Variants in GRIA2 observed in about 807,000 individuals in gnomAD.
GRIA2 encodes the protein glutamate ionotropic receptor AMPA type subunit 2.
Under a neutral mutation model 97.3 loss-of-function variants are expected in GRIA2, and 14 were observed. The ratio of observed to expected loss-of-function variants is 0.14; its 90% CI spans 0.10 to 0.23. The LOEUF (loss-of-function observed/expected upper bound fraction) is 0.23. Among genes scored for constraint, GRIA2 ranks in the 10% least tolerant of loss-of-function variants. The pLI is 1.00. For synonymous variants in GRIA2, 412 were observed against 387.8 expected (o/e 1.06, Z -0.73); for missense variants, 558 against 1,069.8 (o/e 0.52, Z 6.67).
intron 2 of GRIA2, among the ~76,000 whole-genome samples, chr4:157,223,647 C>A (rs1392805979): frequency 2.0e-5 from 3 of 152,146 alleles, no homozygotes; most frequent in African/African-American, 7.2e-5. Context: ...TAATTGTATA[C>A]TTATGTGAAA....
rs141484189 is a variant in GRIA2 at position 157,362,981 on chromosome 4, A to G, written c.2589A>G (p.Ser863=). 1.1e-5 allele frequency: 17 copies of G among 1,613,226 alleles called. No individual in the cohort carries two copies. Among genetic ancestry groups the G allele is most frequent in the Non-Finnish European group, 1.4e-5 (16 of 1,179,420 alleles). Residue 863 remains serine (S), a synonymous_variant, in exon 15 of 16, where the codon TCA becomes TCG. Transcript: ENST00000264426. ...TTAACCCATCTTCCTCGCAGAATTC[A>G]CAGAATTTTGCAACTTATAAGGAAG... The part of the protein sequence containing the change: ...QNINPSSSQN[S]QNFATYKEGY...
At chr4:157,242,844 A>G (rs1003126507) in intron 2 of GRIA2, among the ~76,000 whole-genome samples, 2 of 152,056 alleles carry the variant, frequency 1.3e-5, no homozygotes, top group African/African-American at 2.4e-5. Flanking sequence ...CACTGAATAC[A>G]TGGCCAACAG....
intron 6 of GRIA2, among the ~76,000 whole-genome samples, chr4:157,323,336 CAAAAAAAAAA>C (rs779080483): frequency 1.9e-5 from 1 of 51,474 alleles, no homozygotes; most frequent in Admixed American, 3.6e-4. Flanking sequence ...GACTCTGTCT[CAAAAAAAAAA>C]AAAAAAAAAA....
intron 12 of GRIA2, among the ~76,000 whole-genome samples, chr4:157,358,507 T>A (rs767520912): frequency 2.0e-5 from 3 of 152,090 alleles, no homozygotes; most frequent in Admixed American, 1.3e-4. Context: ...CTTAATTAGG[T>A]GAGAGAATAA....
At chr4:157,259,138 G>A (rs1731414291) in intron 2 of GRIA2, among the ~76,000 whole-genome samples, 1 of 152,034 alleles carries the variant, frequency 6.6e-6, no homozygotes, top group Non-Finnish European at 1.5e-5. Flanking sequence ...TGAAATGAGA[G>A]GACTGCTTGA....
chr4:157,267,889 CTT>C (rs1468613059), intron 2 of GRIA2, among the ~76,000 whole-genome samples: 3 of 151,950 alleles, frequency 2.0e-5, no homozygotes, highest in Non-Finnish European at 4.4e-5. Flanking sequence ...TAAAGGAACT[CTT>C]TGTATGAAAA....
At position 157,234,306 on chromosome 4, in the gene GRIA2, A is replaced by T. The variant is rs548455424; in HGVS notation, c.229+12499A>T. 1.2e-4 allele frequency among the ~76,000 whole-genome samples: 19 copies of T among 152,206 alleles called. No homozygotes were observed. The South Asian group carries it at 3.9e-3, about 32-fold the overall frequency. On this transcript the variant is annotated intron_variant, in intron 2 of 15. Transcript: ENST00000264426. ...GTGCATGGAAGGGAAGGTAGCTAAT[A>T]GTTTTCTCTATGTAATTTTCAAAAT...
Position 157,326,854 on chromosome 4 carries a change from G to A in GRIA2, c.882+5255G>A, listed in dbSNP as rs1361958228. On this transcript the variant is annotated intron_variant, in intron 6 of 15. Transcript: ENST00000264426. ...TGAAGAGCAACAGGGAACTACAAGA[G>A]GAGAGTGCTGATCATGGCTTTGATA... Among the ~76,000 whole-genome samples, 4 of 152,234 alleles carry A rather than the reference G, an allele frequency of 2.6e-5. No individual in the cohort carries two copies. The East Asian group carries it at 7.7e-4, about 29-fold the overall frequency.
At position 157,365,792 on chromosome 4, in the gene GRIA2, A is replaced by G. The variant is rs1736860362; in HGVS notation, c.*2361A>G. On this transcript the variant is annotated 3_prime_UTR_variant, in exon 16 of 16. Transcript: ENST00000264426. ...TATAAAAACTGTTATGGAAAGACCA[A>G]AATGTTTATGAACTATTCTTATGTA... 1 of 151,922 alleles carries G rather than the reference A, an allele frequency of 6.6e-6. No individual in the cohort carries two copies. The highest frequency in any genetic ancestry group is 1.5e-5 in the Non-Finnish European group (1 of 67,584). 9.4% of individuals were successfully genotyped at this position (151,922 alleles called of 1,614,324 possible).
Position 157,317,681 on chromosome 4 carries a change from TA to T in GRIA2, c.693del (p.Tyr233ThrfsTer16). 3.3e-6 allele frequency: 4 copies of T among 1,222,800 alleles called. No homozygotes were observed. Among genetic ancestry groups the T allele is most frequent in the South Asian group, 1.3e-5 (1 of 79,260 alleles). The allele number at this position is 1,222,800 out of a possible 1,614,324, so 75.7% of individuals were successfully genotyped here. A position where few individuals can be genotyped will look rare whatever the true frequency, so the allele number is the denominator to read the frequency against. ...AGGTTATTACCATTGGAAAACATGT[TA>T]AAGGGTACCACTACATCATTGCAAA... ...DQVITIGKHV[K>X]GYHYIIANLG... On this transcript the variant is annotated frameshift_variant, in exon 5 of 16. Transcript: ENST00000264426. LOFTEE classifies it high-confidence loss of function.
rs1348708392 is a variant in GRIA2 at position 157,335,456 on chromosome 4, C to G, written c.1267-215C>G. Reference sequence around the variant, plus strand: ...CTTGTTAACTCAGTATGCTTGCATACAAGCCGTCTTAATGAATTATAGTGA... The same window carrying G: ...CTTGTTAACTCAGTATGCTTGCATAGAAGCCGTCTTAATGAATTATAGTGA... On this transcript the variant is annotated intron_variant, in intron 9 of 15. Transcript: ENST00000264426. The G allele has an allele frequency of 4.9e-5, 27 of 549,112 alleles. No homozygotes were observed. In the East Asian group the frequency reaches 8.4e-4, roughly 17 times the overall value. The allele number at this position is 549,112 out of a possible 1,614,324, so 34.0% of individuals were successfully genotyped here.
intron 2 of GRIA2, among the ~76,000 whole-genome samples, chr4:157,296,834 G>A (rs1002424039): frequency 6.6e-6 from 1 of 152,270 alleles, no homozygotes; most frequent in East Asian, 1.9e-4. Context: ...CCAAGTACTT[G>A]ACAGGCATTC....
intron 2 of GRIA2, among the ~76,000 whole-genome samples, chr4:157,232,032 G>A (rs952363446): frequency 6.6e-6 from 1 of 152,160 alleles, no homozygotes; most frequent in Admixed American, 6.5e-5. Context: ...CTAAAATACG[G>A]AACACAGTGA....
intron 12 of GRIA2, among the ~76,000 whole-genome samples, chr4:157,358,644 C>T (rs1736498339): frequency 6.6e-6 from 1 of 152,116 alleles, no homozygotes; most frequent in African/African-American, 2.4e-5. Flanking sequence ...AATACAACAG[C>T]CCCTACTCCA....
Position 157,336,505 on chromosome 4 carries a change from A to G in GRIA2, c.1602A>G (p.Gly534=). 2 of 1,613,326 alleles carry G rather than the reference A, an allele frequency of 1.2e-6. No homozygotes were observed. The highest frequency in any genetic ancestry group is 1.7e-6 in the Non-Finnish European group (2 of 1,179,526). ...AGAAGCCTCAGAAGTCCAAACCAGG[A>G]GTGTTTTCCTTTCTTGATCCTTTAG... ...MIKKPQKSKP[G]VFSFLDPLAY... is the part of the protein sequence containing the mutation. Residue 534 remains glycine, a synonymous_variant, in exon 11 of 16, where the codon GGA becomes GGG. Coordinates refer to ENST00000264426, the MANE Select transcript of GRIA2 (RefSeq NM_001083619.3).
At chr4:157,259,023 A>G (rs898112000) in intron 2 of GRIA2, among the ~76,000 whole-genome samples, 3 of 152,008 alleles carry the variant, frequency 2.0e-5, no homozygotes, top group Middle Eastern at 3.2e-3. Context: ...GGAGTTCGAG[A>G]CCAGCCTGGG....
At chr4:157,282,406 GGA>G (rs33957636) in intron 2 of GRIA2, among the ~76,000 whole-genome samples, 8,027 of 152,174 alleles carry the variant, frequency 0.053, 291 homozygotes, top group Middle Eastern at 0.14. Flanking sequence ...TTCTAGAAAA[GGA>G]GAGTCTTTAG....
intron 2 of GRIA2, among the ~76,000 whole-genome samples, chr4:157,246,037 G>C (rs1730717497): frequency 6.6e-6 from 1 of 152,026 alleles, no homozygotes; most frequent in Non-Finnish European, 1.5e-5. Flanking sequence ...CATTGTGCAA[G>C]AGTAATAATT....
At chr4:157,296,690 G>A (rs1313848240) in intron 2 of GRIA2, among the ~76,000 whole-genome samples, 1 of 152,100 alleles carries the variant, frequency 6.6e-6, no homozygotes, top group Admixed American at 6.6e-5. Context: ...CTGGGCTTCC[G>A]ATTCGGGCAA....
Sources: allele counts gnomAD v4.1 joint callset (sites outside exome capture counted in the v4.1 genomes callset), GRCh38; gene constraint gnomAD v4.1.1; transcripts MANE v1.5; gene names NCBI Gene and HGNC (gene_info 2026-07-23, HGNC 2026-07-21).